Variants in EYS observed in about 807,000 individuals in gnomAD.
The protein encoded by EYS is EGF-like photoreceptor maintenance factor.
Under a neutral mutation model 282.1 loss-of-function variants are expected in EYS, and 250 were observed. The observed-to-expected ratio is 0.89, with a 90% CI of 0.80 to 0.98. The LOEUF is 0.98. EYS is among the 50% of genes least tolerant of loss of function. The probability of loss-of-function intolerance (pLI) is 0.00; values close to 1 mark genes in which losing one functional copy is unlikely to be tolerated. For missense variants in EYS, 4,016 were observed against 3,709.0 expected, an observed-to-expected ratio of 1.08 and a Z score of -2.15; for synonymous variants, 1,355 against 1,282.9, an observed-to-expected ratio of 1.06 and a Z score of -1.20.
chr6:64,607,880 A>G (rs1286347633), intron 24 of EYS, among the ~76,000 whole-genome samples: 1 of 152,110 alleles, frequency 6.6e-6, no homozygotes, highest in Non-Finnish European at 1.5e-5. Context: ...AACATCTCTG[A>G]GCCTGTTTCC....
intron 24 of EYS, among the ~76,000 whole-genome samples, chr6:64,606,707 G>A (rs955116676): frequency 6.6e-6 from 1 of 152,072 alleles, no homozygotes; most frequent in Non-Finnish European, 1.5e-5. Context: ...ATTGAAGTGA[G>A]TCAGCCTTAT....
chr6:64,470,680 A>C (rs1776096158), intron 26 of EYS, among the ~76,000 whole-genome samples: 1 of 152,202 alleles, frequency 6.6e-6, no homozygotes, highest in East Asian at 1.9e-4. Context: ...CCAAGGCTGC[A>C]TATGGCCCAT....
At position 65,338,288 on chromosome 6, in the gene EYS, A is replaced by AATTTTATACATATAT. The variant is rs1418145189; in HGVS notation, c.1600-3143_1600-3142insATATATGTATAAAAT. ...TGGTTTTCTATAAAATTTACACATA[A>AATTTTATACATATAT]GAAGTCTCTCAGAAAAATTAGCAAG... On this transcript the variant is annotated intron_variant, in intron 10 of 42. Transcript: ENST00000503581. Among the ~76,000 whole-genome samples, 1,397 of 151,296 alleles carry AATTTTATACATATAT rather than the reference A, an allele frequency of 9.2e-3. 26 individuals are homozygous for AATTTTATACATATAT. Among genetic ancestry groups the AATTTTATACATATAT allele is most frequent in the African/African-American group, 0.032 (1,309 of 41,426 alleles).
At chr6:64,400,237 G>A (rs1046264992) in intron 28 of EYS, 1 of 151,932 alleles carries the variant, frequency 6.6e-6, no homozygotes, top group Non-Finnish European at 1.5e-5. Flanking sequence ...TAATAGTTGT[G>A]CAGGTTTTCA....
At chr6:65,665,769 A>T (rs1031700351) in intron 1 of EYS, among the ~76,000 whole-genome samples, 1 of 152,066 alleles carries the variant, frequency 6.6e-6, no homozygotes, top group African/African-American at 2.4e-5. Context: ...AACTGAAACA[A>T]CCACCAGAAC....
chr6:64,367,025 A>G (rs1196944453), intron 29 of EYS, among the ~76,000 whole-genome samples: 1 of 152,116 alleles, frequency 6.6e-6, no homozygotes, highest in African/African-American at 2.4e-5. Context: ...TTAAAAATAG[A>G]AAAGATTATC....
intron 19 of EYS, among the ~76,000 whole-genome samples, chr6:64,852,139 T>C (rs113462446): frequency 2.2e-4 from 24 of 106,930 alleles, no homozygotes; most frequent in African/African-American, 7.3e-4. Context: ...CACAGTTTTA[T>C]GCTGTGATGG....
intron 39 of EYS, among the ~76,000 whole-genome samples, chr6:63,778,546 ATT>A (rs1168802911): frequency 6.6e-6 from 1 of 152,144 alleles, no homozygotes; most frequent in Non-Finnish European, 1.5e-5. Flanking sequence ...AGCATTAACT[ATT>A]TTTAAGTGAT....
At chr6:64,752,530 G>A (rs1772792403) in intron 22 of EYS, among the ~76,000 whole-genome samples, 1 of 152,082 alleles carries the variant, frequency 6.6e-6, no homozygotes, top group Non-Finnish European at 1.5e-5. Flanking sequence ...AATCTTATGA[G>A]TCATAGGTAT....
At chr6:64,502,636 A>G (rs1777092246) in intron 26 of EYS, among the ~76,000 whole-genome samples, 1 of 151,988 alleles carries the variant, frequency 6.6e-6, no homozygotes, top group South Asian at 2.1e-4. Flanking sequence ...AACAGTACAC[A>G]TTTAAGTTTT....
At chr6:65,236,952 AATATACTGAAAATGATTAAGTTGGGT>A (rs1480056651) in intron 12 of EYS, among the ~76,000 whole-genome samples, 2 of 152,200 alleles carry the variant, frequency 1.3e-5, no homozygotes, top group Admixed American at 6.5e-5. Flanking sequence ...AATTAAAATG[AATATACTGAAAATGATTAAGTTGGGT>A]ATAAGGTCGT....
At chr6:64,315,398 C>A (rs572768867) in intron 29 of EYS, among the ~76,000 whole-genome samples, 14 of 152,194 alleles carry the variant, frequency 9.2e-5, no homozygotes, top group African/African-American at 3.1e-4. Flanking sequence ...AAAAGGGAAA[C>A]CTCCCTAACT....
At chr6:64,757,058 T>TA (rs1364796186) in intron 22 of EYS, among the ~76,000 whole-genome samples, 1 of 152,142 alleles carries the variant, frequency 6.6e-6, no homozygotes, top group African/African-American at 2.4e-5. Flanking sequence ...ATTTATAAAA[T>TA]AAAAAATTCT....
rs1284640770 is a variant in EYS, at chr6:65,512,967, C to CA, written c.-332-16975dup. ...AGCAGAACTGAAGGAAACAGAGACA[C>CA]AAAAAACCCTTCAAAAAATTAATGA... On this transcript the variant is annotated intron_variant, in intron 2 of 42. Coordinates refer to ENST00000503581, the MANE Select transcript of EYS (RefSeq NM_001142800.2). Among the ~76,000 whole-genome samples the CA allele has an allele frequency of 3.3e-5, 5 of 151,958 alleles. No individual in the cohort carries two copies. In the East Asian group the frequency reaches 5.8e-4, roughly 18 times the overall value.
At chr6:64,539,966 T>C (rs1764647617) in intron 26 of EYS, among the ~76,000 whole-genome samples, 1 of 152,150 alleles carries the variant, frequency 6.6e-6, no homozygotes, top group Admixed American at 6.5e-5. Context: ...AAATACCTTT[T>C]GTGATATTTG....
chr6:65,209,340 A>C (rs1766115301), intron 12 of EYS, among the ~76,000 whole-genome samples: 1 of 151,600 alleles, frequency 6.6e-6, no homozygotes, highest in Non-Finnish European at 1.5e-5. Context: ...AAAAACTCCA[A>C]GCTTTCTGCT....
At chr6:65,705,936 C>G (rs866172160) in intron 1 of EYS, among the ~76,000 whole-genome samples, 1 of 151,640 alleles carries the variant, frequency 6.6e-6, no homozygotes, top group African/African-American at 2.4e-5. Context: ...TTCCTTAATC[C>G]TGCTAATAAT....
intron 12 of EYS, among the ~76,000 whole-genome samples, chr6:65,254,815 C>A (rs1292444445): frequency 6.6e-6 from 1 of 151,740 alleles, no homozygotes; most frequent in Admixed American, 6.6e-5. Context: ...CAAAAGGAAA[C>A]AGCACATTTT....
chr6:64,377,587 G>A (rs1244099904), intron 29 of EYS, among the ~76,000 whole-genome samples: 1 of 152,092 alleles, frequency 6.6e-6, no homozygotes, highest in Non-Finnish European at 1.5e-5. Flanking sequence ...CATTGAGATA[G>A]TAAATGTGAA....
Sources: gnomAD v4.1 joint callset for allele counts (sites outside exome capture counted in the v4.1 genomes callset) on GRCh38, gnomAD v4.1.1 for gene constraint, MANE v1.5 for transcripts, NCBI Gene and HGNC (gene_info 2026-07-23, HGNC 2026-07-21) for gene names.